Variants in KANSL1 observed in about 807,000 individuals in gnomAD.
KANSL1 encodes the protein MLL1/MLL complex subunit KANSL1.
A neutral mutation model predicts 103.6 loss-of-function variants in KANSL1; 22 were observed. The ratio of observed to expected loss-of-function variants is 0.21; its 90% CI spans 0.15 to 0.30. KANSL1 has a LOEUF of 0.30. Ranked by LOEUF, KANSL1 falls within the 10% of genes least tolerant of loss-of-function variation. The pLI, the probability that KANSL1 is intolerant of heterozygous loss-of-function variation, is 1.00. For missense variants in KANSL1, 1,337 were observed against 1,399.8 expected (o/e 0.96, Z 0.72); for synonymous variants, 600 against 527.6 (o/e 1.14, Z -1.88).
At chr17:46,186,903 GTTTT>G (rs56296060) in intron 1 of KANSL1, among the ~76,000 whole-genome samples, 1 of 147,978 alleles carries the variant, frequency 6.8e-6, no homozygotes, top group South Asian at 2.1e-4. Flanking sequence ...AATTTTTGCT[GTTTT>G]TTTTTTTAGT....
rs908734602 is a variant in KANSL1 at position 46,111,364 on chromosome 17, A to G, written c.1290-16663T>C. ...GCTAGGACTACAGGCATGTGCTGCC[A>G]AGCCCAGCTAATTTTTTGTATTTTT... On this transcript the variant is annotated intron_variant, in intron 2 of 14. Transcript: ENST00000432791. 2.6e-5 allele frequency among the ~76,000 whole-genome samples: 4 copies of G among 152,186 alleles called. No homozygotes were observed. In the East Asian group the frequency reaches 7.7e-4, roughly 29 times the overall value.
intron 6 of KANSL1, among the ~76,000 whole-genome samples, chr17:46,065,121 C>T (rs1175593743): frequency 7.1e-6 from 1 of 141,018 alleles, no homozygotes; most frequent in African/African-American, 2.5e-5. Context: ...ACTACACACG[C>T]TCGCCCACAG....
chr17:46,172,209 C>G lies in KANSL1; in HGVS notation c.-66G>C. 6.9e-7 allele frequency: 1 copy of G among 1,439,442 alleles called. No homozygotes were observed. The highest frequency in any genetic ancestry group is 2.4e-5 in the East Asian group (1 of 42,048). The allele number at this position is 1,439,442 out of a possible 1,614,324, so 89.2% of individuals were successfully genotyped here. ...GAGGCCGAGGCCAGCTCCACGGCCC[C>G]TTACTGCCTCCCCAGAGAACAGACT... On this transcript the variant is annotated 5_prime_UTR_variant, in exon 2 of 15. Transcript: ENST00000432791.
chr17:46,158,191 T>G (rs1248242996), intron 2 of KANSL1, among the ~76,000 whole-genome samples: 3 of 152,264 alleles, frequency 2.0e-5, no homozygotes, highest in Non-Finnish European at 4.4e-5. Flanking sequence ...TTGTTCTACA[T>G]AAATGAACTT....
At chr17:46,071,120 T>C (rs1317549638) in intron 4 of KANSL1, among the ~76,000 whole-genome samples, 1 of 152,230 alleles carries the variant, frequency 6.6e-6, no homozygotes, top group Non-Finnish European at 1.5e-5. Context: ...TTAACATGAA[T>C]GTTATTGATT....
chr17:46,187,569 A>G (rs2047090909), intron 1 of KANSL1, among the ~76,000 whole-genome samples: 1 of 152,260 alleles, frequency 6.6e-6, no homozygotes, highest in Non-Finnish European at 1.5e-5. Flanking sequence ...AGCCAGGAAA[A>G]AAAAGGGTAA....
intron 1 of KANSL1, among the ~76,000 whole-genome samples, chr17:46,201,701 A>C (rs2047809688): frequency 6.6e-6 from 1 of 151,248 alleles, no homozygotes; most frequent in Non-Finnish European, 1.5e-5. Context: ...GTGAGACCCT[A>C]TCTCTGAAAA....
At chr17:46,168,640 C>T (rs1179647722) in intron 2 of KANSL1, among the ~76,000 whole-genome samples, 3 of 152,202 alleles carry the variant, frequency 2.0e-5, no homozygotes, top group Non-Finnish European at 2.9e-5. Context: ...AGTGAGCCAC[C>T]GTGCCCGGCC....
At chr17:46,034,064 C>T in intron 11 of KANSL1, 97 bp downstream of exon 11, 1 of 1,445,994 alleles carries the variant, frequency 6.9e-7, no homozygotes, top group South Asian at 1.3e-5. Context: ...GAAGACAGAA[C>T]CAAAGACTAG....
chr17:46,156,038 T>A (rs886813358), intron 2 of KANSL1, among the ~76,000 whole-genome samples: 2 of 152,070 alleles, frequency 1.3e-5, no homozygotes, highest in Non-Finnish European at 2.9e-5. Flanking sequence ...AAACTTCTCC[T>A]CCTAAGTAGT....
intron 7 of KANSL1, chr17:46,044,040 C>T (rs963499011): frequency 1.3e-5 from 2 of 149,154 alleles, no homozygotes; most frequent in African/African-American, 2.5e-5. Context: ...AGTTCATATA[C>T]TAACTAGTAA....
rs1386399092 is a variant in KANSL1 at position 46,192,915 on chromosome 17, C to A, written c.-182G>T. 1 of 151,940 alleles carries A rather than the reference C, an allele frequency of 6.6e-6. No individual in the cohort carries two copies. Among genetic ancestry groups the A allele is most frequent in the East Asian group, 1.9e-4 (1 of 5,148 alleles). 9.4% of individuals were successfully genotyped at this position (151,940 alleles called of 1,614,324 possible). On this transcript the variant is annotated 5_prime_UTR_variant, in exon 1 of 15. Transcript: ENST00000432791. Reference sequence around the variant, plus strand: ...CCCCGGCCTGGGCGCCGAGGGCCAGCGGCGGGCGGGGGCGCGCGACGGCGG... The same window carrying A: ...CCCCGGCCTGGGCGCCGAGGGCCAGAGGCGGGCGGGGGCGCGCGACGGCGG...
At chr17:46,105,886 CACACACAGAGCAAGGCCTTG>C (rs1450565042) in intron 2 of KANSL1, among the ~76,000 whole-genome samples, 7 of 118,594 alleles carry the variant, frequency 5.9e-5, no homozygotes, top group Non-Finnish European at 1.2e-4. Context: ...CACACACACA[CACACACAGAGCAAGGCCTTG>C]ACACACACAC....
At chr17:46,039,261 A>G in intron 8 of KANSL1, 46 bp from the exon 9 acceptor site, 2 of 1,491,886 alleles carry the variant, frequency 1.3e-6, no homozygotes, top group Non-Finnish European at 8.9e-7. Context: ...GTCCTCTCAA[A>G]TATTTTCTTA....
At chr17:46,189,404 T>C (rs1049589672) in intron 1 of KANSL1, among the ~76,000 whole-genome samples, 5 of 152,086 alleles carry the variant, frequency 3.3e-5, no homozygotes, top group Admixed American at 2.0e-4. Context: ...TACATCTATC[T>C]AGCAAGAAAG....
chr17:46,039,812 T>A lies in KANSL1; in HGVS notation c.2093A>T (p.Lys698Ile), dbSNP rs2077260533. 1 of 1,614,050 alleles carries A rather than the reference T, an allele frequency of 6.2e-7. No individual in the cohort carries two copies. Among genetic ancestry groups the A allele is most frequent in the African/African-American group, 1.3e-5 (1 of 74,922 alleles). ...CTTAAGCGATAACTTTTTGGGAGGT[T>A]TGATTTTGTCAAAAGGCTTGTTCTG... ...QWQNKPFDKI[K>I]PPKKLSLKHR... The change falls in exon 8 of 15, where the codon AAA becomes ATA. Residue 698 changes from lysine (K) to isoleucine (I), a missense_variant. Around this residue, in one of 2 missense-constraint regions of KANSL1, gnomAD observed 780 missense variants for 923.4 expected, o/e 0.84. Transcript: ENST00000432791.
At chr17:46,139,215 C>T (rs1449739047) in intron 2 of KANSL1, among the ~76,000 whole-genome samples, 1 of 151,536 alleles carries the variant, frequency 6.6e-6, no homozygotes, top group Admixed American at 6.6e-5. Context: ...TTAAAGTGAA[C>T]TCATAGTATT....
intron 4 of KANSL1, among the ~76,000 whole-genome samples, chr17:46,081,778 C>T (rs1246832310): frequency 3.3e-5 from 5 of 152,190 alleles, no homozygotes; most frequent in South Asian, 4.1e-4. Context: ...TAATAAACTA[C>T]GGTTGTGGGA....
At chr17:46,099,863 C>T (rs2042235464) in intron 2 of KANSL1, among the ~76,000 whole-genome samples, 1 of 152,180 alleles carries the variant, frequency 6.6e-6, no homozygotes, top group Non-Finnish European at 1.5e-5. Context: ...ATGGCTTTGT[C>T]ACCATGTGCT....
Sources: allele counts gnomAD v4.1 joint callset (sites outside exome capture counted in the v4.1 genomes callset), GRCh38; gene constraint gnomAD v4.1.1; regional missense constraint gnomAD v4.1.1; transcripts MANE v1.5; gene names NCBI Gene and HGNC (gene_info 2026-07-23, HGNC 2026-07-21).